PDE4D: variants seen among roughly 807,000 people sequenced by gnomAD.
PDE4D encodes phosphodiesterase 4D.
PDE4D carries 24 observed loss-of-function variants against 87.4 expected under a neutral mutation model. The observed-to-expected ratio is 0.27, with a 90% CI of 0.20 to 0.39. The LOEUF (loss-of-function observed/expected upper bound fraction) is 0.39. Among genes scored for constraint, PDE4D ranks in the 10% least tolerant of loss-of-function variants. The pLI, the probability that PDE4D is intolerant of heterozygous loss-of-function variation, is 1.00. For missense variants in PDE4D, 714 were observed against 1,041.0 expected (o/e 0.69, Z 4.32); for synonymous variants, 384 against 383.2 (o/e 1.00, Z -0.02).
chr5:60,406,349 A>G (rs562240909), intron 1 of PDE4D, among the ~76,000 whole-genome samples: 1 of 152,334 alleles, frequency 6.6e-6, no homozygotes, highest in East Asian at 1.9e-4. Context: ...TACATCTGCT[A>G]TCCCAAACTC....
chr5:58,996,542 C>T (rs1749273810), intron 6 of PDE4D, among the ~76,000 whole-genome samples: 1 of 152,102 alleles, frequency 6.6e-6, no homozygotes, highest in South Asian at 2.1e-4. Context: ...GCAGTCTATA[C>T]AGGAACTGCT....
chr5:59,170,048 T>C (rs1049814534), intron 5 of PDE4D, among the ~76,000 whole-genome samples: 18 of 152,186 alleles, frequency 1.2e-4, no homozygotes, highest in African/African-American at 3.4e-4. Context: ...TTTCTTACTC[T>C]GAGACAGAGT....
intron 5 of PDE4D, among the ~76,000 whole-genome samples, chr5:59,140,637 T>G (rs1777751577): frequency 6.6e-6 from 1 of 152,194 alleles, no homozygotes; most frequent in Non-Finnish European, 1.5e-5. Flanking sequence ...TTAAGAAAAT[T>G]TAATAACAAT....
intron 1 of PDE4D, chr5:59,768,224 T>C: frequency 6.3e-7 from 1 of 1,594,610 alleles, no homozygotes; most frequent in Non-Finnish European, 8.5e-7. Context: ...CCACCATTTC[T>C]GCGAGGTCTG....
At chr5:59,444,615 A>G (rs1230339519) in intron 1 of PDE4D, among the ~76,000 whole-genome samples, 1 of 152,138 alleles carries the variant, frequency 6.6e-6, no homozygotes, top group East Asian at 1.9e-4. Context: ...GAACGAGACC[A>G]TCCTGGCTAA....
At chr5:59,897,971 T>C (rs1354527424), upstream of PDE4D, among the ~76,000 whole-genome samples, 2 of 152,200 alleles carry the variant, frequency 1.3e-5, no homozygotes, top group Non-Finnish European at 2.9e-5. Flanking sequence ...AACCTATACA[T>C]ATACAAGATA....
chr5:60,370,980 G>A (rs1483088079), intron 1 of PDE4D, among the ~76,000 whole-genome samples: 1 of 152,110 alleles, frequency 6.6e-6, no homozygotes, highest in Admixed American at 6.5e-5. Context: ...CTCTCCCTAG[G>A]AGACCACAAA....
At chr5:60,044,988 G>A (rs565130125) in intron 2 of PDE4D, among the ~76,000 whole-genome samples, 60 of 152,152 alleles carry the variant, frequency 3.9e-4, no homozygotes, top group Admixed American at 3.9e-4. Context: ...CCAACAGTGT[G>A]AAAGTGTTCC....
At chr5:60,308,604 T>A (rs1280892755) in intron 1 of PDE4D, among the ~76,000 whole-genome samples, 2 of 152,218 alleles carry the variant, frequency 1.3e-5, no homozygotes, top group South Asian at 2.1e-4. Context: ...TTTCTAAATG[T>A]TGCCACATAA....
intron 2 of PDE4D, among the ~76,000 whole-genome samples, chr5:60,044,766 G>C (rs1157286285): frequency 5.9e-5 from 9 of 152,258 alleles, no homozygotes; most frequent in South Asian, 4.1e-4. Flanking sequence ...GTCTATCATT[G>C]ATGGACATTT....
At chr5:59,208,763 T>A (rs1007016997) in intron 2 of PDE4D, among the ~76,000 whole-genome samples, 3 of 152,214 alleles carry the variant, frequency 2.0e-5, no homozygotes, top group Non-Finnish European at 4.4e-5. Context: ...CCCATTTTTT[T>A]AAATCAGAAA....
rs535290766 is a variant in PDE4D, at chr5:59,364,538, G to C, written c.456-148570C>G. Among the ~76,000 whole-genome samples the C allele has an allele frequency of 3.9e-5, 6 of 152,182 alleles. No homozygotes were observed. The South Asian group carries it at 1.2e-3, about 32-fold the overall frequency. ...GTTTTTGTTTGATATATATGCTATA[G>C]GTGAGTCTTAAGGGATTGAATTTAT... On this transcript the variant is annotated intron_variant, in intron 1 of 14. Transcript: ENST00000340635.
At chr5:59,714,163 A>G (rs74377530) in intron 1 of PDE4D, among the ~76,000 whole-genome samples, 270 of 152,356 alleles carry the variant, frequency 1.8e-3, no homozygotes, top group African/African-American at 5.9e-3. Flanking sequence ...CAAGTGACCC[A>G]CTCACAGATG....
intron 1 of PDE4D, among the ~76,000 whole-genome samples, chr5:60,379,413 A>G (rs1761688119): frequency 6.6e-6 from 1 of 152,164 alleles, no homozygotes. Context: ...CTGTCCCAAA[A>G]ATAAATAAAA....
chr5:59,195,013 G>A (rs1263872679), intron 2 of PDE4D, among the ~76,000 whole-genome samples: 1 of 152,084 alleles, frequency 6.6e-6, no homozygotes, highest in Non-Finnish European at 1.5e-5. Context: ...AGTGAGCCCA[G>A]CCCCTCATGT....
intron 5 of PDE4D, among the ~76,000 whole-genome samples, chr5:59,178,039 T>G (rs2153476686): frequency 6.6e-6 from 1 of 152,218 alleles, no homozygotes; most frequent in South Asian, 2.1e-4. Context: ...GCCTGAGTGG[T>G]CAGCTGCAGA....
chr5:59,622,705 T>C (rs1030097098), intron 1 of PDE4D, among the ~76,000 whole-genome samples: 3 of 152,198 alleles, frequency 2.0e-5, no homozygotes, highest in Non-Finnish European at 4.4e-5. Context: ...TATTTTAGAA[T>C]GACTGACATC....
chr5:60,509,092 G>A lies in PDE4D; in HGVS notation n.70+12959C>T, dbSNP rs182162904. ...TTTTTATGTTTTTAGTAGAGATGGG[G>A]TTGCACCATGTTGGCCAGGCTGGTC... On this transcript the variant is annotated intron_variant and non_coding_transcript_variant, in intron 1 of 2. Coordinates refer to the PDE4D transcript ENST00000506510. 2.3e-3 allele frequency among the ~76,000 whole-genome samples: 351 copies of A among 152,150 alleles called. 1 individual carries two copies. Among genetic ancestry groups the A allele is most frequent in the African/African-American group, 8.2e-3 (342 of 41,504 alleles).
chr5:59,156,155 G>C (rs1373687874), intron 5 of PDE4D, among the ~76,000 whole-genome samples: 2 of 151,914 alleles, frequency 1.3e-5, no homozygotes, highest in African/African-American at 4.8e-5. Flanking sequence ...GGAAAAGGCA[G>C]ACTGTAAAAC....
Sources: gnomAD v4.1 joint callset for allele counts (sites outside exome capture counted in the v4.1 genomes callset) on GRCh38, gnomAD v4.1.1 for gene constraint, MANE v1.5 for transcripts, NCBI Gene and HGNC (gene_info 2026-07-23, HGNC 2026-07-21) for gene names.